Variants in TMEM120B observed in about 807,000 individuals in gnomAD.
TMEM120B encodes the protein transmembrane protein 120B.
Under a neutral mutation model 55.5 loss-of-function variants are expected in TMEM120B, and 31 were observed. That is an observed-to-expected ratio of 0.56 (90% CI 0.42 to 0.75). The LOEUF is 0.75. TMEM120B is among the 30% of genes least tolerant of loss of function. The probability of loss-of-function intolerance (pLI) is 0.00; values close to 1 mark genes in which losing one functional copy is unlikely to be tolerated. For missense variants in TMEM120B, 399 were observed against 425.5 expected (o/e 0.94, Z 0.55); for synonymous variants, 203 against 176.3 (o/e 1.15, Z -1.20).
At position 121,776,456 on chromosome 12, in the gene TMEM120B, G is replaced by A. The variant is rs1874251642; in HGVS notation, c.*734G>A. The A allele has an allele frequency of 6.6e-6, 1 of 152,426 alleles. No individual in the cohort carries two copies. The highest frequency in any genetic ancestry group is 6.5e-5 in the Admixed American group (1 of 15,294). The allele number at this position is 152,426 out of a possible 1,614,324, so 9.4% of individuals were successfully genotyped here. A position where few individuals can be genotyped will look rare whatever the true frequency, so the allele number is the denominator to read the frequency against. ...CAGTGTCGTGGCAGGTACTTGGAGA[G>A]TGGGACCAAGACCCTTGGCCCCTGT... On this transcript the variant is annotated 3_prime_UTR_variant, in exon 12 of 12. Transcript: ENST00000449592.
At position 121,752,122 on chromosome 12, in the gene TMEM120B, T is replaced by C. The variant is rs1484135160; in HGVS notation, c.366-6T>C. On this transcript the variant is annotated splice_region_variant and splice_polypyrimidine_tract_variant and intron_variant, in intron 4 of 11. Transcript: ENST00000449592. ...GGCACACCCCTGGGCGTGTCTGTCGTGGCAGGTTCGCCTACAAGGACGAAT... is the reference window on the plus strand; with the variant it reads ...GGCACACCCCTGGGCGTGTCTGTCGCGGCAGGTTCGCCTACAAGGACGAAT... The C allele has an allele frequency of 6.2e-7, 1 of 1,612,842 alleles. No homozygotes were observed. Among genetic ancestry groups the C allele is most frequent in the Non-Finnish European group, 8.5e-7 (1 of 1,179,506 alleles).
intron 1 of TMEM120B, among the ~76,000 whole-genome samples, chr12:121,732,840 G>A (rs987929640): frequency 2.0e-5 from 3 of 152,018 alleles, no homozygotes; most frequent in Non-Finnish European, 4.4e-5. Flanking sequence ...TTAGCCGGGC[G>A]TGGTGGCACG....
rs564618785 is a variant in TMEM120B, at chr12:121,742,695, C to T, written c.70-934C>T. Among the ~76,000 whole-genome samples, 70 of 140,762 alleles carry T rather than the reference C, an allele frequency of 5.0e-4. No homozygotes were observed. In the East Asian group the frequency reaches 8.3e-3, roughly 17 times the overall value. The allele number at this position is 140,762 out of a possible 152,430, so 92.3% of individuals were successfully genotyped here. A position where few individuals can be genotyped will look rare whatever the true frequency, so the allele number is the denominator to read the frequency against. On this transcript the variant is annotated intron_variant, in intron 1 of 11. Coordinates refer to ENST00000449592, the MANE Select transcript of TMEM120B (RefSeq NM_001080825.2). Reference sequence around the variant, plus strand: ...CCGCCCCCTGGGTTCAAGTGATTCTCCTGCCTCAGTCTCCCAAGTAGTTGG... The same window carrying T: ...CCGCCCCCTGGGTTCAAGTGATTCTTCTGCCTCAGTCTCCCAAGTAGTTGG...
rs780701023 is a variant in TMEM120B, at chr12:121,748,452, G to A, written c.305+10G>A. The A allele has an allele frequency of 1.3e-6, 2 of 1,584,854 alleles. No individual in the cohort carries two copies. Among genetic ancestry groups the A allele is most frequent in the Non-Finnish European group, 1.7e-6 (2 of 1,157,104 alleles). On this transcript the variant is annotated intron_variant, in intron 3 of 11. Coordinates refer to ENST00000449592, the MANE Select transcript of TMEM120B (RefSeq NM_001080825.2). ...TGCCCAAGAAGAACGGGTAGGAGCT[G>A]GCAACCTCCCCACCCCTAGCACAGG...
Position 121,775,015 on chromosome 12 carries a change from C to G in TMEM120B, c.838-47C>G, listed in dbSNP as rs760191842. The G allele has an allele frequency of 1.9e-6, 3 of 1,605,730 alleles. No homozygotes were observed. Among genetic ancestry groups the G allele is most frequent in the Non-Finnish European group, 2.6e-6 (3 of 1,174,022 alleles). ...CCATCACCCTGGCTTTCTACGTGGC[C>G]GGCCAGGGGAGTCTGGTGGGTGAGC... On this transcript the variant is annotated intron_variant, in intron 10 of 11. Transcript: ENST00000449592. This position sits in a 1 kb window ranked among gnomAD's most constrained non-coding sequence, Gnocchi z 4.3.
At position 121,770,910 on chromosome 12, in the gene TMEM120B, T is replaced by G. The variant is rs751528567; in HGVS notation, c.555T>G (p.Ile185Met). 1.2e-6 allele frequency: 2 copies of G among 1,613,932 alleles called. No homozygotes were observed. The highest frequency in any genetic ancestry group is 1.7e-6 in the Non-Finnish European group (2 of 1,180,000). The change falls in exon 7 of 12, where the codon ATT (isoleucine) becomes ATG (methionine). Residue 185 changes from isoleucine to methionine, a missense_variant. Physicochemically the swap from Ile to Met is conservative, Grantham distance 10 (BLOSUM62 1). Transcript: ENST00000449592. The part of the protein sequence containing the change: ...ESILISNGSR[I>M]KGWWVSHHYV... ...TCCGTTCTCTCCCTCTCCCGAGAAT[T>G]AAAGGCTGGTGGGTGTCTCACCACT...
chr12:121,719,200 G>T (rs884884), intron 1 of TMEM120B, among the ~76,000 whole-genome samples: 2 of 151,748 alleles, frequency 1.3e-5, no homozygotes. Flanking sequence ...AAACGAGTTG[G>T]GGAGGGATGG....
At position 121,781,163 on chromosome 12, in the gene TMEM120B, G is replaced by T; in HGVS notation, c.*5441G>T. ...ACGAGGTGGGTGTTCTGGTAGGACAGGGGCCGCAGCCGGTCATAGTCTTCT... is the reference window on the plus strand; with the variant it reads ...ACGAGGTGGGTGTTCTGGTAGGACATGGGCCGCAGCCGGTCATAGTCTTCT... On this transcript the variant is annotated 3_prime_UTR_variant, in exon 12 of 12. Coordinates refer to ENST00000449592, the MANE Select transcript of TMEM120B (RefSeq NM_001080825.2). 6.2e-7 allele frequency: 1 copy of T among 1,614,120 alleles called. No individual in the cohort carries two copies.
intron 8 of TMEM120B, among the ~76,000 whole-genome samples, chr12:121,772,109 TTCTCTC>T (rs199806160): frequency 1.4e-5 from 2 of 147,324 alleles, no homozygotes; most frequent in Non-Finnish European, 3.0e-5. Context: ...CTTTCTCTCT[TTCTCTC>T]TCTCTCTCTT....
intron 3 of TMEM120B, 112 bp from the exon 4 acceptor site, chr12:121,750,267 CT>C (rs898273236): frequency 7.1e-5 from 72 of 1,018,654 alleles, no homozygotes; most frequent in Non-Finnish European, 9.8e-5. Flanking sequence ...CTTAGGCCCC[CT>C]ATCTTCTAAC....
chr12:121,714,761 C>T (rs946842208), intron 1 of TMEM120B, among the ~76,000 whole-genome samples: 4 of 150,432 alleles, frequency 2.7e-5, no homozygotes, highest in South Asian at 2.1e-4. Context: ...AGGGTTTCAC[C>T]ATGTTGGCCA....
At chr12:121,750,528 C>T in intron 4 of TMEM120B, 89 bp downstream of exon 4, 1 of 1,004,848 alleles carries the variant, frequency 1.0e-6, no homozygotes, top group Non-Finnish European at 1.5e-6. Flanking sequence ...TGAGAACCCA[C>T]ACCCCACATC....
At chr12:121,727,595 C>G (rs888412879) in intron 1 of TMEM120B, among the ~76,000 whole-genome samples, 7 of 150,960 alleles carry the variant, frequency 4.6e-5, no homozygotes, top group African/African-American at 1.7e-4. Flanking sequence ...TAACATTGGC[C>G]CGGTGCGGTG....
chr12:121,746,704 C>G (rs1873095226), intron 2 of TMEM120B, among the ~76,000 whole-genome samples: 1 of 151,984 alleles, frequency 6.6e-6, no homozygotes, highest in Non-Finnish European at 1.5e-5. Flanking sequence ...CCGGTAATCC[C>G]AACACTTTGG....
Position 121,779,501 on chromosome 12 carries a change from G to A in TMEM120B, c.*3779G>A. Reference sequence around the variant, plus strand: ...CGTGAGGTCTGTCTGCCCTGGGTCAGAGCAGCAGGCAGAGCCGGCGCTTCT... The same window carrying A: ...CGTGAGGTCTGTCTGCCCTGGGTCAAAGCAGCAGGCAGAGCCGGCGCTTCT... On this transcript the variant is annotated 3_prime_UTR_variant, in exon 12 of 12. Transcript: ENST00000449592. 1 of 1,611,596 alleles carries A rather than the reference G, an allele frequency of 6.2e-7. No homozygotes were observed. Among genetic ancestry groups the A allele is most frequent in the Middle Eastern group, 1.7e-4 (1 of 6,058 alleles).
chr12:121,773,486 G>A lies in TMEM120B; in HGVS notation c.745G>A (p.Glu249Lys), dbSNP rs867551855. 6.2e-7 allele frequency: 1 copy of A among 1,605,850 alleles called. No individual in the cohort carries two copies. Residue 249 changes from glutamate (E) to lysine (K), a missense_variant, in exon 9 of 12, where the codon GAG becomes AAG. By Grantham distance (56) the Glu-to-Lys change is moderately conservative. Transcript: ENST00000449592. ...GCLYRLRALG[E>K]RNHLDLTVEG... ...CCTCTACCGGCTGCGGGCCCTGGGG[G>A]AGAGGAACCACCTGGATCTCACAGT...
intron 4 of TMEM120B, 120 bp from the exon 5 acceptor site, chr12:121,752,008 A>C: frequency 1.3e-6 from 1 of 771,312 alleles, no homozygotes. Flanking sequence ...TGGAATGGGA[A>C]GGTCCTTATG....
intron 1 of TMEM120B, among the ~76,000 whole-genome samples, chr12:121,715,683 G>A (rs1248540969): frequency 1.3e-5 from 2 of 152,118 alleles, no homozygotes; most frequent in Non-Finnish European, 1.5e-5. Flanking sequence ...TGCTGGGTCA[G>A]GGGCCAGTCA....
At chr12:121,730,662 A>C (rs1398818907) in intron 1 of TMEM120B, among the ~76,000 whole-genome samples, 2 of 147,804 alleles carry the variant, frequency 1.4e-5, no homozygotes, top group Admixed American at 1.4e-4. Context: ...AAAAAAAAAA[A>C]ACAAACAAAA....
Sources: gnomAD v4.1 joint callset for allele counts (sites outside exome capture counted in the v4.1 genomes callset) on GRCh38, gnomAD v4.1.1 for gene constraint, Gnocchi (gnomAD v3.1) non-coding constraint, MANE v1.5 for transcripts, NCBI Gene and HGNC (gene_info 2026-07-23, HGNC 2026-07-21) for gene names.